TCP11L1: variants seen among roughly 807,000 people sequenced by gnomAD.
TCP11L1 encodes t-complex 11 like 1.
Under a neutral mutation model 48.9 loss-of-function variants are expected in TCP11L1, and 28 were observed. That is an observed-to-expected ratio of 0.57 (90% confidence interval 0.42 to 0.78). The LOEUF is 0.78. Ranked by LOEUF, TCP11L1 falls within the 30% of genes least tolerant of loss-of-function variation. The pLI, the probability that TCP11L1 is intolerant of heterozygous loss-of-function variation, is 0.00. For synonymous variants in TCP11L1, 204 were observed against 231.9 expected (o/e 0.88, Z 1.09); for missense variants, 505 against 613.4 (o/e 0.82, Z 1.87).
chr11:33,041,694 T>A lies in TCP11L1; in HGVS notation c.-25+1902T>A, dbSNP rs564306311. Among the ~76,000 whole-genome samples, 15 of 151,670 alleles carry A rather than the reference T, an allele frequency of 9.9e-5. No individual in the cohort carries two copies. The East Asian group carries it at 2.1e-3, about 22-fold the overall frequency. ...TGAACCTGGGAGGCAGAGGTTGCAG[T>A]GAGCTGAGCCGAGATGGTGCCACTG... On this transcript the variant is annotated intron_variant, in intron 1 of 9. Coordinates refer to ENST00000334274, the MANE Select transcript of TCP11L1 (RefSeq NM_018393.4).
chr11:33,061,925 A>C (rs1216854556), intron 7 of TCP11L1, among the ~76,000 whole-genome samples, 199 bp downstream of exon 7: 2 of 152,112 alleles, frequency 1.3e-5, no homozygotes, highest in African/African-American at 4.8e-5. Flanking sequence ...TACTAAAAAT[A>C]CAAAAAATTA....
chr11:33,048,259 C>T (rs187804809), intron 2 of TCP11L1, among the ~76,000 whole-genome samples: 4 of 151,974 alleles, frequency 2.6e-5, no homozygotes, highest in Admixed American at 2.6e-4. Context: ...GTGATTCACC[C>T]ACCTCAACCT....
chr11:33,064,330 TG>T (rs1221004196), intron 7 of TCP11L1, among the ~76,000 whole-genome samples: 7 of 152,124 alleles, frequency 4.6e-5, no homozygotes, highest in Non-Finnish European at 2.9e-5. Flanking sequence ...GGATTGTATT[TG>T]TATCAGCAGA....
Position 33,045,789 on chromosome 11 carries a change from C to T in TCP11L1, c.163+1853C>T, listed in dbSNP as rs1046517983. Reference sequence around the variant, plus strand: ...GGGGCCAATGCTAGTATGGAGGCTGCGAAGGCCCCGAGCTCTGGAAGCCTG... The same window carrying T: ...GGGGCCAATGCTAGTATGGAGGCTGTGAAGGCCCCGAGCTCTGGAAGCCTG... On this transcript the variant is annotated intron_variant, in intron 2 of 9. Coordinates refer to ENST00000334274, the MANE Select transcript of TCP11L1 (RefSeq NM_018393.4). Among the ~76,000 whole-genome samples, 10 of 152,174 alleles carry T rather than the reference C, an allele frequency of 6.6e-5. No homozygotes were observed. The South Asian group carries it at 1.0e-3, about 16-fold the overall frequency.
intron 7 of TCP11L1, among the ~76,000 whole-genome samples, chr11:33,063,371 T>A (rs7483668): frequency 0.41 from 62,413 of 151,976 alleles, 13,042 homozygotes; most frequent in African/African-American, 0.48. Context: ...TGGTGACTCT[T>A]AAGTTTAACA....
Position 33,072,610 on chromosome 11 carries a change from C to T in TCP11L1, c.1464C>T (p.Asn488=). The T allele has an allele frequency of 6.2e-7, 1 of 1,614,152 alleles. No individual in the cohort carries two copies. ...CTATTAAATTTGCTCGCCTGGTCAA[C>T]TATAACAAGATGGTCTTCTGTCCCT... The part of the protein sequence containing the change: ...EVAIKFARLV[N]YNKMVFCPYY... Residue 488 remains asparagine, a synonymous_variant, in exon 10 of 10, where the codon AAC becomes AAT. Coordinates refer to ENST00000334274, the MANE Select transcript of TCP11L1 (RefSeq NM_018393.4).
chr11:33,053,798 A>G (rs1854232887), intron 2 of TCP11L1, among the ~76,000 whole-genome samples: 1 of 152,138 alleles, frequency 6.6e-6, no homozygotes, highest in Non-Finnish European at 1.5e-5. Context: ...GGCACCCTAA[A>G]GGACTTGATG....
chr11:33,072,758 G>A lies in TCP11L1; in HGVS notation c.*82G>A. ...TACTCTAATGTTGCATTGGAAAATGGCTATATAGTACATGTCTATTTAACA... is the reference window on the plus strand; with the variant it reads ...TACTCTAATGTTGCATTGGAAAATGACTATATAGTACATGTCTATTTAACA... On this transcript the variant is annotated 3_prime_UTR_variant, in exon 10 of 10. Coordinates refer to ENST00000334274, the MANE Select transcript of TCP11L1 (RefSeq NM_018393.4). The A allele has an allele frequency of 6.7e-7, 1 of 1,487,312 alleles. No homozygotes were observed. Among genetic ancestry groups the A allele is most frequent in the South Asian group, 1.2e-5 (1 of 86,266 alleles). The allele number at this position is 1,487,312 out of a possible 1,614,324, so 92.1% of individuals were successfully genotyped here. A position where few individuals can be genotyped will look rare whatever the true frequency, so the allele number is the denominator to read the frequency against.
At chr11:33,072,214 CTG>C (rs1188257422) in intron 9 of TCP11L1, among the ~76,000 whole-genome samples, 1 of 152,168 alleles carries the variant, frequency 6.6e-6, no homozygotes, top group African/African-American at 2.4e-5. Context: ...ATGCCAGTCA[CTG>C]TGCTGAGTGC....
At position 33,043,913 on chromosome 11, in the gene TCP11L1, C is replaced by T. The variant is rs568881738; in HGVS notation, c.140C>T (p.Pro47Leu). The T allele has an allele frequency of 4.3e-6, 7 of 1,611,434 alleles. No homozygotes were observed. The South Asian group carries it at 5.5e-5, about 13-fold the overall frequency. The change falls in exon 2 of 10, where the codon CCC (proline) becomes CTC (leucine). Residue 47 changes from proline (P) to leucine (L), a missense_variant. By Grantham distance (98) the Pro-to-Leu change is moderately conservative. Transcript: ENST00000334274. ...QKAIKSDSSSPQRVQRPHSSP... is the reference protein window; with the variant it reads ...QKAIKSDSSSLQRVQRPHSSP... ...GCAATAAAGTCAGACTCCTCCAGCC[C>T]CCAAAGAGTGCAGAGACCTCACTGT...
At chr11:33,069,470 A>C (rs1237674995) in intron 9 of TCP11L1, among the ~76,000 whole-genome samples, 5 of 152,084 alleles carry the variant, frequency 3.3e-5, no homozygotes, top group Non-Finnish European at 1.5e-5. Context: ...AAAATATTCT[A>C]TAATATTAGC....
intron 2 of TCP11L1, among the ~76,000 whole-genome samples, chr11:33,053,126 G>A (rs1206146986): frequency 4.7e-5 from 7 of 150,160 alleles, no homozygotes; most frequent in African/African-American, 7.3e-5. Context: ...GCTAAAGTTT[G>A]AGAATTGCTA....
At chr11:33,042,246 T>A (rs1853858287) in intron 1 of TCP11L1, among the ~76,000 whole-genome samples, 1 of 152,166 alleles carries the variant, frequency 6.6e-6, no homozygotes, top group Non-Finnish European at 1.5e-5. Context: ...TTCTCCTGCT[T>A]CAGCCTCCTG....
In TCP11L1 at chr11:33,072,451, G is replaced by T; in HGVS notation, c.1328-23G>T. The T allele has an allele frequency of 1.9e-6, 3 of 1,613,148 alleles. No homozygotes were observed. The South Asian group carries it at 3.3e-5, about 18-fold the overall frequency. On this transcript the variant is annotated intron_variant, in intron 9 of 9. Transcript: ENST00000334274. The stretch of plus-strand genomic sequence containing the variant: ...GTAAGGTGAAGGACAAGAAACAACT[G>T]ACCACTTTCTTTTTTGTCACAGAAT...
chr11:33,066,548 C>G (rs1035896788), intron 8 of TCP11L1, among the ~76,000 whole-genome samples: 4 of 151,950 alleles, frequency 2.6e-5, no homozygotes, highest in Middle Eastern at 3.2e-3. Flanking sequence ...CTTAGAGGTC[C>G]CGCGGCCCTC....
intron 4 of TCP11L1, 110 bp from the exon 5 acceptor site, chr11:33,057,809 G>A: frequency 1.1e-6 from 1 of 883,398 alleles, no homozygotes; most frequent in African/African-American, 1.7e-5. Flanking sequence ...TAAAATATGT[G>A]CAATATTACG....
At chr11:33,055,974 T>C (rs185533395) in intron 3 of TCP11L1, among the ~76,000 whole-genome samples, 1 of 151,996 alleles carries the variant, frequency 6.6e-6, no homozygotes, top group Admixed American at 6.5e-5. Flanking sequence ...TGCGCCACCA[T>C]GCCCAGCTAA....
intron 9 of TCP11L1, among the ~76,000 whole-genome samples, chr11:33,070,634 G>A (rs1356659347): frequency 2.0e-5 from 3 of 148,210 alleles, no homozygotes; most frequent in East Asian, 2.0e-4. Context: ...GTGGTGAGCC[G>A]AGATTGTGCC....
At chr11:33,058,821 C>A (rs920996100) in intron 5 of TCP11L1, 138 bp from the exon 6 acceptor site, 5 of 831,536 alleles carry the variant, frequency 6.0e-6, no homozygotes, top group South Asian at 2.0e-5. Flanking sequence ...GTCTGGAACT[C>A]CTGGGCTCAA....
Sources: gnomAD v4.1 joint callset for allele counts (sites outside exome capture counted in the v4.1 genomes callset) on GRCh38, gnomAD v4.1.1 for gene constraint, MANE v1.5 for transcripts, NCBI Gene and HGNC (gene_info 2026-07-23, HGNC 2026-07-21) for gene names.